The following NTM variants were observed in gnomAD, a reference collection of about 807,000 sequenced individuals.
NTM encodes IgLON family member 2.
A neutral mutation model predicts 42.1 loss-of-function variants in NTM; 13 were observed. The observed-to-expected ratio is 0.31, with a 90% CI of 0.20 to 0.49. The LOEUF (loss-of-function observed/expected upper bound fraction) is 0.49, where lower values mean the gene tolerates loss of function less well. NTM is among the 20% of genes least tolerant of loss of function. The probability of loss-of-function intolerance (pLI) is 0.99; values close to 1 mark genes in which losing one functional copy is unlikely to be tolerated. For missense variants in NTM, 373 were observed against 452.8 expected, an observed-to-expected ratio of 0.82 and a Z score of 1.60; for synonymous variants, 187 against 179.2, an observed-to-expected ratio of 1.04 and a Z score of -0.35.
At chr11:132,186,139 C>G (rs1052126224) in intron 3 of NTM, among the ~76,000 whole-genome samples, 1 of 152,204 alleles carries the variant, frequency 6.6e-6, no homozygotes, top group Non-Finnish European at 1.5e-5. Context: ...AAAGAAAGAA[C>G]TCCAACAGGA....
At chr11:132,158,721 G>A (rs936431027) in intron 3 of NTM, among the ~76,000 whole-genome samples, 1 of 152,204 alleles carries the variant, frequency 6.6e-6, no homozygotes, top group Non-Finnish European at 1.5e-5. Context: ...AGGCGTGAGA[G>A]CATGAACTTC....
chr11:132,042,203 A>AGAG (rs767124124), intron 2 of NTM, among the ~76,000 whole-genome samples: 6 of 152,166 alleles, frequency 3.9e-5, no homozygotes, highest in African/African-American at 1.4e-4. Flanking sequence ...GTCAGAATCT[A>AGAG]GAGGAGGTGT....
intron 1 of NTM, among the ~76,000 whole-genome samples, chr11:131,638,000 C>A (rs2064629727): frequency 6.6e-6 from 1 of 152,032 alleles, no homozygotes; most frequent in Non-Finnish European, 1.5e-5. Context: ...TCCTCAGTAG[C>A]CGTATTTAAC....
chr11:132,100,542 C>T (rs2061506805), intron 2 of NTM, among the ~76,000 whole-genome samples: 1 of 152,178 alleles, frequency 6.6e-6, no homozygotes, highest in African/African-American at 2.4e-5. Flanking sequence ...GGAAGCAGGC[C>T]ATCTCCATTA....
intron 1 of NTM, among the ~76,000 whole-genome samples, chr11:131,737,994 A>G (rs1487844169): frequency 6.6e-6 from 1 of 152,222 alleles, no homozygotes; most frequent in Admixed American, 6.5e-5. Flanking sequence ...GTTGTCTCCC[A>G]GCACGGCTGT....
At chr11:132,143,733 A>G (rs1680568088) in intron 2 of NTM, among the ~76,000 whole-genome samples, 1 of 152,166 alleles carries the variant, frequency 6.6e-6, no homozygotes, top group Non-Finnish European at 1.5e-5. Flanking sequence ...TCCTAGATAC[A>G]TTACTAGCAA....
intron 2 of NTM, among the ~76,000 whole-genome samples, chr11:132,046,766 GAACAGAGATCACAGCTGA>G (rs1054893885): frequency 1.3e-5 from 2 of 152,140 alleles, no homozygotes; most frequent in Non-Finnish European, 2.9e-5. Context: ...TTGTGGTGAG[GAACAGAGATCACAGCTGA>G]GCACTGGCTT....
chr11:131,640,884 C>T (rs2065047301), intron 1 of NTM, among the ~76,000 whole-genome samples: 1 of 152,178 alleles, frequency 6.6e-6, no homozygotes, highest in South Asian at 2.1e-4. Context: ...TGATCTCTGT[C>T]TTTTCTTTGC....
At chr11:131,404,794 T>C (rs1945632238) in intron 1 of NTM, among the ~76,000 whole-genome samples, 1 of 152,224 alleles carries the variant, frequency 6.6e-6, no homozygotes, top group Non-Finnish European at 1.5e-5. Context: ...CATTGAGTGA[T>C]AGGCATTGCT....
chr11:131,994,684 A>G (rs555757458), intron 2 of NTM, among the ~76,000 whole-genome samples: 1 of 152,186 alleles, frequency 6.6e-6, no homozygotes, highest in African/African-American at 2.4e-5. Flanking sequence ...GGACTATTTC[A>G]TCCCACTTCA....
At chr11:132,013,454 C>G (rs147083668) in intron 2 of NTM, among the ~76,000 whole-genome samples, 1 of 152,012 alleles carries the variant, frequency 6.6e-6, no homozygotes, top group Non-Finnish European at 1.5e-5. Flanking sequence ...ATAGACCATT[C>G]TTTAAAGAAA....
rs182002201 is a variant in NTM at position 131,473,813 on chromosome 11, C to T, written c.82+102925C>T. 1.3e-3 allele frequency among the ~76,000 whole-genome samples: 197 copies of T among 152,288 alleles called. 2 individuals carry two copies. Among genetic ancestry groups the T allele is most frequent in the Admixed American group, 0.01 (158 of 15,300 alleles). ...CCTTCTCTCAGAGGATGAGGTAGCC[C>T]TCTCCCTGCTAAGAGCTGATTCTGC... On this transcript the variant is annotated intron_variant, in intron 1 of 8. Coordinates refer to ENST00000683400, the MANE Select transcript of NTM (RefSeq NM_001352005.2).
rs572220315 is a variant in NTM at position 132,054,993 on chromosome 11, G to A, written c.168-91289G>A. Among the ~76,000 whole-genome samples the A allele has an allele frequency of 4.6e-5, 7 of 152,294 alleles. No individual in the cohort carries two copies. In the South Asian group the frequency reaches 1.2e-3, roughly 27 times the overall value. On this transcript the variant is annotated intron_variant, in intron 2 of 8. Transcript: ENST00000683400. ...TACTGGTGAGGCATTCCAAGGGCTT[G>A]GTGTGAGGTTGCAGTAGGAAGTGGA...
intron 2 of NTM, among the ~76,000 whole-genome samples, chr11:132,029,029 T>C (rs1196548680): frequency 6.6e-6 from 1 of 150,534 alleles, no homozygotes. Flanking sequence ...TGATACTGGC[T>C]CCCGTAGAGG....
chr11:131,546,009 G>A (rs2053892692), intron 1 of NTM, among the ~76,000 whole-genome samples: 1 of 152,158 alleles, frequency 6.6e-6, no homozygotes, highest in Admixed American at 6.5e-5. Flanking sequence ...ACCTTTACAT[G>A]TTACCTAATA....
At chr11:131,387,322 C>A (rs1943446587) in intron 1 of NTM, among the ~76,000 whole-genome samples, 2 of 152,172 alleles carry the variant, frequency 1.3e-5, no homozygotes, top group South Asian at 4.1e-4. Context: ...CTCTCCCTCT[C>A]TCTCTCACTC....
intron 2 of NTM, among the ~76,000 whole-genome samples, chr11:132,064,629 C>G (rs1490140131): frequency 6.6e-6 from 1 of 152,078 alleles, no homozygotes; most frequent in African/African-American, 2.4e-5. Context: ...TTAAAATGAG[C>G]CTCACTAAAG....
intron 1 of NTM, among the ~76,000 whole-genome samples, chr11:131,446,648 C>T (rs1950079907): frequency 6.6e-6 from 1 of 152,208 alleles, no homozygotes; most frequent in African/African-American, 2.4e-5. Flanking sequence ...TGGCCTCACC[C>T]ACAGCACTTG....
At chr11:131,443,820 G>A (rs1949808419) in intron 1 of NTM, among the ~76,000 whole-genome samples, 1 of 152,176 alleles carries the variant, frequency 6.6e-6, no homozygotes, top group Non-Finnish European at 1.5e-5. Context: ...GTGTCACTGT[G>A]CAGAGACCCA....
Sources: allele counts gnomAD v4.1 joint callset (sites outside exome capture counted in the v4.1 genomes callset), GRCh38; gene constraint gnomAD v4.1.1; transcripts MANE v1.5; gene names NCBI Gene and HGNC (gene_info 2026-07-23, HGNC 2026-07-21).